Variants in AFDN observed in about 807,000 individuals in gnomAD.
AFDN encodes afadin.
In AFDN, 68 loss-of-function variants were observed where a neutral mutation model predicts 216.6. The observed-to-expected ratio is 0.31, with a 90% CI of 0.26 to 0.38. The LOEUF is 0.38. AFDN is among the 10% of genes least tolerant of loss of function. The pLI is 1.00. For synonymous variants in AFDN, 868 were observed against 853.7 expected, an observed-to-expected ratio of 1.02 and a Z score of -0.29; for missense variants, 2,136 against 2,342.0, an observed-to-expected ratio of 0.91 and a Z score of 1.82.
chr6:167,851,515 A>G (rs1043849275), intron 1 of AFDN, among the ~76,000 whole-genome samples: 1 of 152,178 alleles, frequency 6.6e-6, no homozygotes, highest in African/African-American at 2.4e-5. Context: ...AAGTGTAGGC[A>G]GTTGAGAATT....
At chr6:167,855,043 C>T (rs2128192854) in intron 1 of AFDN, among the ~76,000 whole-genome samples, 1 of 151,694 alleles carries the variant, frequency 6.6e-6, no homozygotes, top group African/African-American at 2.4e-5. Flanking sequence ...TTTTGAAAAA[C>T]AAACTGTTCA....
intron 30 of AFDN, among the ~76,000 whole-genome samples, chr6:167,957,749 C>T (rs543707747): frequency 5.9e-5 from 9 of 152,174 alleles, no homozygotes; most frequent in South Asian, 2.1e-4. Context: ...TGGAGGTGGC[C>T]GTGACTGTGG....
At chr6:167,839,000 A>G (rs939616104) in intron 1 of AFDN, among the ~76,000 whole-genome samples, 1 of 152,148 alleles carries the variant, frequency 6.6e-6, no homozygotes. Context: ...GTTTGCCTTT[A>G]GATTCTTGTG....
rs141732419 is a variant in AFDN at position 167,966,133 on chromosome 6, G to A, written c.5257+88G>A. On this transcript the variant is annotated intron_variant, in intron 32 of 33. Transcript: ENST00000683244. ...CCACGGCCACCCCCCTGCCAGCCAC[G>A]CCCGGCCTCCGATGGCGTCTTTCTC... The A allele has an allele frequency of 1.9e-4, 299 of 1,535,338 alleles. 1 individual carries two copies. The African/African-American group carries it at 3.7e-3, about 19-fold the overall frequency.
intron 2 of AFDN, among the ~76,000 whole-genome samples, chr6:167,868,674 T>G (rs1784457143): frequency 6.6e-6 from 1 of 152,140 alleles, no homozygotes; most frequent in Non-Finnish European, 1.5e-5. Flanking sequence ...GTTGTCTCTT[T>G]AGTTATTAAT....
intron 30 of AFDN, among the ~76,000 whole-genome samples, chr6:167,956,083 C>G (rs562641059): frequency 7.1e-6 from 1 of 140,434 alleles, no homozygotes; most frequent in Non-Finnish European, 1.5e-5. Flanking sequence ...CCACTGCACT[C>G]CAGCCTGGGG....
chr6:167,882,488 A>C (rs1223098216), intron 6 of AFDN, among the ~76,000 whole-genome samples: 1 of 30,156 alleles, frequency 3.3e-5, no homozygotes, highest in Non-Finnish European at 8.3e-5. Flanking sequence ...AAAACTACAA[A>C]AAAAAAAAAA....
intron 30 of AFDN, among the ~76,000 whole-genome samples, chr6:167,955,603 T>A (rs1256951644): frequency 1.3e-5 from 2 of 152,178 alleles, no homozygotes; most frequent in Non-Finnish European, 2.9e-5. Context: ...CAGCCAGCTC[T>A]CAGGCCCAAA....
At chr6:167,948,066 T>C in intron 28 of AFDN, 122 bp downstream of exon 28, 1 of 830,490 alleles carries the variant, frequency 1.2e-6, no homozygotes, top group East Asian at 2.7e-5. Context: ...ATTTCTAAAT[T>C]TGCAGTGTTT....
chr6:167,914,725 A>G lies in AFDN; in HGVS notation c.2286A>G (p.Gln762=). The part of the protein sequence containing the change: ...FLDDPEENSL[Q]RPKIDDVLHT... Reference sequence around the variant, plus strand: ...ATGACCCTGAAGAGAACAGTCTGCAACGACCAAAAATAGGTTAGGATGTTT... The same window carrying G: ...ATGACCCTGAAGAGAACAGTCTGCAGCGACCAAAAATAGGTTAGGATGTTT... The change falls in exon 18 of 34, where the codon CAA becomes CAG. Residue 762 remains glutamine, a synonymous_variant. Coordinates refer to ENST00000683244, the MANE Select transcript of AFDN (RefSeq NM_001386888.1). 2 of 1,609,616 alleles carry G rather than the reference A, an allele frequency of 1.2e-6. No homozygotes were observed. Among genetic ancestry groups the G allele is most frequent in the Non-Finnish European group, 8.5e-7 (1 of 1,176,014 alleles).
intron 1 of AFDN, among the ~76,000 whole-genome samples, chr6:167,853,876 A>G (rs989324090): frequency 1.3e-5 from 2 of 152,054 alleles, no homozygotes; most frequent in African/African-American, 2.4e-5. Context: ...TTTTTCAACC[A>G]GTTCCCTACT....
At chr6:167,969,367 T>C (rs1044140134) in intron 33 of AFDN, among the ~76,000 whole-genome samples, 169 bp downstream of exon 33, 4 of 152,196 alleles carry the variant, frequency 2.6e-5, no homozygotes, top group African/African-American at 4.8e-5. Flanking sequence ...ACATGGAATT[T>C]GAACTCACCA....
intron 1 of AFDN, among the ~76,000 whole-genome samples, chr6:167,853,579 G>A (rs543792037): frequency 6.6e-6 from 1 of 152,162 alleles, no homozygotes; most frequent in African/African-American, 2.4e-5. Flanking sequence ...TGGTTCCAGA[G>A]CTGAAACTGT....
intron 1 of AFDN, among the ~76,000 whole-genome samples, chr6:167,858,260 T>TG (rs1464225802): frequency 2.0e-4 from 30 of 152,166 alleles, no homozygotes; most frequent in Admixed American, 2.0e-3. Context: ...TGTGAGCAGA[T>TG]GATTGTTAAG....
chr6:167,899,954 A>G (rs1788738541), intron 11 of AFDN, among the ~76,000 whole-genome samples: 1 of 152,112 alleles, frequency 6.6e-6, no homozygotes, highest in Non-Finnish European at 1.5e-5. Context: ...TAATGTTTTT[A>G]TATGTGTGAG....
chr6:167,834,269 C>T (rs1055029301), intron 1 of AFDN, among the ~76,000 whole-genome samples: 3 of 151,978 alleles, frequency 2.0e-5, no homozygotes, highest in African/African-American at 4.8e-5. Flanking sequence ...CCCTTTTCCC[C>T]GAGTCCCCGA....
In AFDN at chr6:167,932,186, G is replaced by A. The variant is rs150438515; in HGVS notation, c.3099+7095G>A. Among the ~76,000 whole-genome samples, 879 of 152,232 alleles carry A rather than the reference G, an allele frequency of 5.8e-3. 9 individuals are homozygous for A. The highest frequency in any genetic ancestry group is 0.02 in the African/African-American group (814 of 41,520). ...GCTTTTCTTGTTTTCTATAAGCTGC[G>A]TGGTTTTTGTCTTTGGCCCGTTCTT... On this transcript the variant is annotated intron_variant, in intron 23 of 33. Coordinates refer to ENST00000683244, the MANE Select transcript of AFDN (RefSeq NM_001386888.1).
At chr6:167,879,058 C>T (rs1030831579) in intron 5 of AFDN, among the ~76,000 whole-genome samples, 10 of 152,214 alleles carry the variant, frequency 6.6e-5, no homozygotes, top group Non-Finnish European at 8.8e-5. Context: ...CTGCATCCTA[C>T]TTCCCAACCA....
chr6:167,911,782 A>G lies in AFDN; in HGVS notation c.2037+293A>G, dbSNP rs960333593. 2.0e-4 allele frequency: 82 copies of G among 401,044 alleles called. No homozygotes were observed. The East Asian group carries it at 4.2e-3, about 21-fold the overall frequency. 24.8% of individuals were successfully genotyped at this position (401,044 alleles called of 1,614,324 possible). A position where few individuals can be genotyped will look rare whatever the true frequency, so the allele number is the denominator to read the frequency against. ...CTTTTGTAGAATTTTTTCTGTAAAT[A>G]ATTTGTTGAGATGAAGTTCATATAA... On this transcript the variant is annotated intron_variant, in intron 15 of 33. Transcript: ENST00000683244.
Sources: gnomAD v4.1 joint callset for allele counts (sites outside exome capture counted in the v4.1 genomes callset) on GRCh38, gnomAD v4.1.1 for gene constraint, MANE v1.5 for transcripts, NCBI Gene and HGNC (gene_info 2026-07-23, HGNC 2026-07-21) for gene names.